DENND1B: variants seen among roughly 807,000 people sequenced by gnomAD.
DENND1B encodes the protein DENN domain-containing protein 1B.
A neutral mutation model predicts 90.1 loss-of-function variants in DENND1B; 59 were observed. The ratio of observed to expected loss-of-function variants is 0.65; its 90% CI spans 0.53 to 0.81. The LOEUF (loss-of-function observed/expected upper bound fraction) is 0.81. DENND1B is among the 40% of genes least tolerant of loss of function. The pLI is 0.00. For synonymous variants in DENND1B, 337 were observed against 324.6 expected (o/e 1.04, Z -0.41); for missense variants, 862 against 912.6 (o/e 0.94, Z 0.71).
intron 12 of DENND1B, among the ~76,000 whole-genome samples, chr1:197,607,418 T>C (rs997912271): frequency 6.6e-6 from 1 of 150,878 alleles, no homozygotes; most frequent in African/African-American, 2.4e-5. Flanking sequence ...TAAACATAAC[T>C]ACAACAAAAA....
chr1:197,597,970 G>C (rs976335697), intron 13 of DENND1B, among the ~76,000 whole-genome samples: 2 of 151,574 alleles, frequency 1.3e-5, no homozygotes, highest in African/African-American at 4.8e-5. Context: ...TTAGGTATAG[G>C]GTTAAATAAA....
At chr1:197,723,893 C>G (rs554326167) in intron 2 of DENND1B, among the ~76,000 whole-genome samples, 3 of 151,986 alleles carry the variant, frequency 2.0e-5, no homozygotes, top group Non-Finnish European at 4.4e-5. Context: ...ACTCATTATA[C>G]TTAACTCTTT....
At chr1:197,639,165 G>C (rs1181092907) in intron 10 of DENND1B, among the ~76,000 whole-genome samples, 2 of 151,758 alleles carry the variant, frequency 1.3e-5, no homozygotes, top group African/African-American at 4.8e-5. Flanking sequence ...CCGGGTTCAA[G>C]TGATTCTCTT....
chr1:197,563,504 C>A lies in DENND1B; in HGVS notation c.1150-10392G>T, dbSNP rs115111231. 5.7e-3 allele frequency among the ~76,000 whole-genome samples: 863 copies of A among 152,074 alleles called. 11 individuals are homozygous for A. The highest frequency in any genetic ancestry group is 0.019 in the African/African-American group (806 of 41,528). On this transcript the variant is annotated intron_variant, in intron 15 of 22. Transcript: ENST00000620048. ...TGTTTTACTGAACATTCTAAGCCCA[C>A]TGTTGAGATCTGCTGCTCAGAAACA... is the stretch of plus-strand genomic sequence containing the variant.
chr1:197,707,680 T>C (rs1237783756), intron 3 of DENND1B, among the ~76,000 whole-genome samples: 1 of 145,788 alleles, frequency 6.9e-6, no homozygotes, highest in Non-Finnish European at 1.5e-5. Context: ...TATAATAATA[T>C]AATATAATAT....
chr1:197,746,816 T>A, intron 2 of DENND1B: 1 of 1,610,292 alleles, frequency 6.2e-7, no homozygotes, highest in South Asian at 1.1e-5. Flanking sequence ...TGCAAGTTTC[T>A]TCTTTTTGGG....
At chr1:197,693,386 C>G (rs144315973) in intron 3 of DENND1B, among the ~76,000 whole-genome samples, 4 of 151,730 alleles carry the variant, frequency 2.6e-5, no homozygotes, top group Admixed American at 2.6e-4. Flanking sequence ...TTAAATTTAA[C>G]AACCATGAAG....
At chr1:197,541,138 T>C (rs1670308078) in intron 18 of DENND1B, 123 bp from the exon 19 acceptor site, 1 of 887,228 alleles carries the variant, frequency 1.1e-6, no homozygotes. Context: ...AAAGAACAGA[T>C]TATAATCTAA....
intron 14 of DENND1B, among the ~76,000 whole-genome samples, chr1:197,589,508 G>C (rs530169560): frequency 2.0e-4 from 30 of 152,108 alleles, no homozygotes; most frequent in Non-Finnish European, 3.2e-4. Context: ...ACTGTGAGTA[G>C]TACTTTTCAA....
At chr1:197,749,476 C>G (rs1653159973) in intron 2 of DENND1B, among the ~76,000 whole-genome samples, 1 of 151,610 alleles carries the variant, frequency 6.6e-6, no homozygotes, top group Non-Finnish European at 1.5e-5. Context: ...ACTATGCAAG[C>G]CAGAAGACAA....
At chr1:197,575,568 G>A (rs892478102) in intron 15 of DENND1B, among the ~76,000 whole-genome samples, 9 of 152,086 alleles carry the variant, frequency 5.9e-5, no homozygotes, top group East Asian at 3.8e-4. Flanking sequence ...TTGATCCAGC[G>A]ATCCCATTAC....
chr1:197,772,344 G>A (rs948478786), intron 2 of DENND1B, among the ~76,000 whole-genome samples: 2 of 152,134 alleles, frequency 1.3e-5, no homozygotes, highest in African/African-American at 2.4e-5. Context: ...AATTCAAGCT[G>A]CACTGATAAC....
chr1:197,699,981 G>A lies in DENND1B; in HGVS notation c.126+15050C>T, dbSNP rs144303683. On this transcript the variant is annotated intron_variant, in intron 3 of 22. Coordinates refer to ENST00000620048, the MANE Select transcript of DENND1B (RefSeq NM_001195215.2). Reference sequence around the variant, plus strand: ...AGAGAGGACACAAACAAACGGAAAAGCATTCCATCCTCATGAATAGGAAGA... The same window carrying A: ...AGAGAGGACACAAACAAACGGAAAAACATTCCATCCTCATGAATAGGAAGA... Among the ~76,000 whole-genome samples the A allele has an allele frequency of 8.5e-3, 1,297 of 152,016 alleles. 9 individuals carry two copies. Among genetic ancestry groups the A allele is most frequent in the African/African-American group, 0.029 (1,199 of 41,486 alleles).
In DENND1B at chr1:197,659,199, G is replaced by T. The variant is rs906594269; in HGVS notation, c.297-830C>A. 8.6e-5 allele frequency among the ~76,000 whole-genome samples: 13 copies of T among 151,510 alleles called. No individual in the cohort carries two copies. In the South Asian group the frequency reaches 2.7e-3, roughly 32 times the overall value. On this transcript the variant is annotated intron_variant, in intron 5 of 22. Transcript: ENST00000620048. ...TGCTACTTTTAAGAGAAAATATTGT[G>T]ATGCTTTTACTACATAATTGTACAC...
At chr1:197,672,910 T>C (rs1655665523) in intron 4 of DENND1B, among the ~76,000 whole-genome samples, 1 of 152,070 alleles carries the variant, frequency 6.6e-6, no homozygotes, top group Non-Finnish European at 1.5e-5. Context: ...TATTTCCTAG[T>C]ACTGGCTGTA....
chr1:197,693,005 T>G (rs1658065727), intron 3 of DENND1B, among the ~76,000 whole-genome samples: 1 of 151,712 alleles, frequency 6.6e-6, no homozygotes, highest in Non-Finnish European at 1.5e-5. Flanking sequence ...AATATGATCC[T>G]CTTACCATAT....
At chr1:197,769,548 G>A (rs748217848) in intron 2 of DENND1B, among the ~76,000 whole-genome samples, 11 of 152,172 alleles carry the variant, frequency 7.2e-5, no homozygotes, top group Non-Finnish European at 1.5e-5. Flanking sequence ...GCAGAAATGA[G>A]AAGCAGAAAG....
intron 3 of DENND1B, among the ~76,000 whole-genome samples, chr1:197,699,326 T>C (rs575888664): frequency 1.3e-5 from 2 of 152,298 alleles, no homozygotes; most frequent in Admixed American, 6.5e-5. Flanking sequence ...ATTATTTCAA[T>C]AGATGCAGAA....
chr1:197,764,969 C>G (rs570507674), intron 2 of DENND1B, among the ~76,000 whole-genome samples: 423 of 152,246 alleles, frequency 2.8e-3, no homozygotes, highest in African/African-American at 8.9e-3. Context: ...AAGGTGACAG[C>G]AGAGGGGATC....
Sources: allele counts gnomAD v4.1 joint callset (sites outside exome capture counted in the v4.1 genomes callset), GRCh38; gene constraint gnomAD v4.1.1; transcripts MANE v1.5; gene names NCBI Gene and HGNC (gene_info 2026-07-23, HGNC 2026-07-21).